Variants in RANBP2 observed in about 807,000 individuals in gnomAD.
RANBP2 encodes RAN binding protein 2.
Under a neutral mutation model 303.6 loss-of-function variants are expected in RANBP2, and 57 were observed. That is an observed-to-expected ratio of 0.19 (90% confidence interval 0.15 to 0.23). The LOEUF (loss-of-function observed/expected upper bound fraction) is 0.23, where lower values mean the gene tolerates loss of function less well. RANBP2 is among the 10% of genes least tolerant of loss of function. The pLI, the probability that RANBP2 is intolerant of heterozygous loss-of-function variation, is 1.00. For missense variants in RANBP2, 3,138 were observed against 3,780.8 expected (o/e 0.83, Z 4.46); for synonymous variants, 1,167 against 1,301.5 (o/e 0.90, Z 2.23).
chr2:109,518,672 A>G, the RANBP2 span, among the ~76,000 whole-genome samples: 1 of 152,152 alleles, frequency 6.6e-6, no homozygotes, highest in Admixed American at 6.6e-5. Context: ...TTTTTAATGC[A>G]TTCTCACAGA....
At chr2:109,121,951 A>G in the RANBP2 span, among the ~76,000 whole-genome samples, 2 of 152,196 alleles carry the variant, frequency 1.3e-5, no homozygotes, top group African/African-American at 4.8e-5. Flanking sequence ...ATGTGTATTC[A>G]GCAGGTGTCT....
the RANBP2 span, among the ~76,000 whole-genome samples, chr2:109,652,549 C>T: frequency 2.0e-5 from 3 of 152,098 alleles, no homozygotes; most frequent in South Asian, 2.1e-4. Flanking sequence ...AGAAACTTCA[C>T]GCTGACCAAG....
rs1328929725 is a variant in RANBP2, at chr2:108,772,023, A to G, written c.8020+152A>G. On this transcript the variant is annotated intron_variant, in intron 21 of 28. Coordinates refer to ENST00000283195, the MANE Select transcript of RANBP2 (RefSeq NM_006267.5). The stretch of plus-strand genomic sequence containing the variant: ...CCCTAAATGTATGTGTAAATGGTCA[A>G]TGGATATAGTGATCAAAAGGACTGC... The G allele has an allele frequency of 3.5e-5, 36 of 1,027,782 alleles. No homozygotes were observed. In the Admixed American group the frequency reaches 6.8e-4, roughly 19 times the overall value. 63.7% of individuals were successfully genotyped at this position (1,027,782 alleles called of 1,614,324 possible). A position where few individuals can be genotyped will look rare whatever the true frequency, so the allele number is the denominator to read the frequency against.
At chr2:109,516,047 G>C in the RANBP2 span, among the ~76,000 whole-genome samples, 1 of 152,188 alleles carries the variant, frequency 6.6e-6, no homozygotes, top group Non-Finnish European at 1.5e-5. Context: ...TTAATGCTTA[G>C]CACTCAGCTC....
At chr2:108,908,191 G>A in the RANBP2 span, among the ~76,000 whole-genome samples, 1 of 152,076 alleles carries the variant, frequency 6.6e-6, no homozygotes, top group African/African-American at 2.4e-5. Flanking sequence ...GACATGAGAC[G>A]AGACATACAC....
chr2:109,672,956 T>C, the RANBP2 span, among the ~76,000 whole-genome samples: 4 of 152,322 alleles, frequency 2.6e-5, no homozygotes, highest in South Asian at 8.3e-4. Context: ...TATAGGTTGT[T>C]TGATATTACT....
chr2:108,867,541 C>T, the RANBP2 span, among the ~76,000 whole-genome samples: 3 of 152,100 alleles, frequency 2.0e-5, no homozygotes, highest in African/African-American at 7.2e-5. Context: ...CCTCCCCAAG[C>T]CTTTGGCAAG....
the RANBP2 span, among the ~76,000 whole-genome samples, chr2:109,383,612 G>A: frequency 2.0e-5 from 3 of 152,198 alleles, no homozygotes; most frequent in Non-Finnish European, 4.4e-5. Flanking sequence ...TGTGTGCCCT[G>A]TGGGGTACTT....
chr2:109,336,667 T>C, the RANBP2 span, among the ~76,000 whole-genome samples: 22,544 of 152,308 alleles, frequency 0.15, 2,212 homozygotes, highest in East Asian at 0.41. Context: ...TGAGACTATT[T>C]GCATTAATAA....
the RANBP2 span, among the ~76,000 whole-genome samples, chr2:109,006,508 T>G: frequency 1.3e-5 from 2 of 152,132 alleles, no homozygotes; most frequent in African/African-American, 2.4e-5. Context: ...TGGGGGTAAT[T>G]TTCTTAAGGC....
the RANBP2 span, chr2:109,552,897 AG>A: frequency 4.8e-6 from 3 of 621,542 alleles, no homozygotes; most frequent in East Asian, 9.0e-5. Flanking sequence ...AAAAAAAAGA[AG>A]GCCAAAGTTT....
chr2:109,135,956 G>A, the RANBP2 span, among the ~76,000 whole-genome samples: 1 of 152,164 alleles, frequency 6.6e-6, no homozygotes, highest in Non-Finnish European at 1.5e-5. Context: ...CCAGCCTGTT[G>A]GCAGGCTATC....
At chr2:109,273,385 G>T in the RANBP2 span, among the ~76,000 whole-genome samples, 6 of 152,218 alleles carry the variant, frequency 3.9e-5, no homozygotes, top group East Asian at 1.9e-4. Flanking sequence ...GCATGGATGA[G>T]GGGGGAGGCA....
At chr2:109,660,602 C>G in the RANBP2 span, among the ~76,000 whole-genome samples, 650 of 152,302 alleles carry the variant, frequency 4.3e-3, 5 homozygotes, top group African/African-American at 0.014. Context: ...AGTCCCCATG[C>G]CAGGAGGCAG....
chr2:109,028,115 C>CA, the RANBP2 span, among the ~76,000 whole-genome samples: 4 of 151,994 alleles, frequency 2.6e-5, no homozygotes, highest in Admixed American at 6.5e-5. Flanking sequence ...ACAAAAAATG[C>CA]AAAAAATTAC....
At position 108,782,642 on chromosome 2, in the gene RANBP2, G is replaced by A; in HGVS notation, c.9149G>A (p.Gly3050Glu). 2 of 1,614,130 alleles carry A rather than the reference G, an allele frequency of 1.2e-6. No homozygotes were observed. The highest frequency in any genetic ancestry group is 1.7e-6 in the Non-Finnish European group (2 of 1,180,028). Reference sequence around the variant, plus strand: ...CAGAATTTAATGAAACTCCAGAAAGGACATGTATCACTGGCAGCAGAATTA... The same window carrying A: ...CAGAATTTAATGAAACTCCAGAAAGAACATGTATCACTGGCAGCAGAATTA... ...CQQNLMKLQK[G>E]HVSLAAELSK... Residue 3050 changes from glycine to glutamate, a missense_variant, in exon 28 of 29, where the codon GGA becomes GAA. Gly to Glu is a moderately conservative substitution (Grantham distance 98). This residue lies in a region of RANBP2 where 204 missense variants were observed against 228.4 expected (regional missense o/e 0.89). Transcript: ENST00000283195.
the RANBP2 span, among the ~76,000 whole-genome samples, chr2:109,474,980 TG>T: frequency 3.3e-4 from 50 of 152,278 alleles, no homozygotes; most frequent in African/African-American, 1.2e-3. Context: ...TTTGTTTGTT[TG>T]TTTGTTTGTT....
the RANBP2 span, among the ~76,000 whole-genome samples, chr2:109,610,288 C>T: frequency 1.3e-5 from 2 of 152,074 alleles, no homozygotes; most frequent in Non-Finnish European, 2.9e-5. Context: ...TGGGGTTTTA[C>T]GGTGTTGGCC....
chr2:109,422,375 A>G, the RANBP2 span, among the ~76,000 whole-genome samples: 1 of 152,224 alleles, frequency 6.6e-6, no homozygotes, highest in Non-Finnish European at 1.5e-5. Flanking sequence ...ATGTGCACTG[A>G]AACATGAGCC....
Sources: allele counts gnomAD v4.1 joint callset (sites outside exome capture counted in the v4.1 genomes callset), GRCh38; gene constraint gnomAD v4.1.1; regional missense constraint gnomAD v4.1.1; transcripts MANE v1.5; gene names NCBI Gene and HGNC (gene_info 2026-07-23, HGNC 2026-07-21).